PARD3: variants seen among roughly 807,000 people sequenced by gnomAD.
PARD3 encodes the protein partitioning defective 3 homolog.
In PARD3, 75 loss-of-function variants were observed where a neutral mutation model predicts 155.4. The ratio of observed to expected loss-of-function variants is 0.48; its 90% CI spans 0.40 to 0.58. The LOEUF (loss-of-function observed/expected upper bound fraction) is 0.58. Among genes scored for constraint, PARD3 ranks in the 20% least tolerant of loss-of-function variants. The pLI, the probability that PARD3 is intolerant of heterozygous loss-of-function variation, is 0.00. For synonymous variants in PARD3, 576 were observed against 610.5 expected (o/e 0.94, Z 0.83); for missense variants, 1,642 against 1,721.7 (o/e 0.95, Z 0.82).
chr10:34,648,488 AT>A, intron 2 of PARD3, among the ~76,000 whole-genome samples: 1 of 152,098 alleles, frequency 6.6e-6, no homozygotes, highest in East Asian at 1.9e-4. Flanking sequence ...ATGTAAGACA[AT>A]TTTTCCACAA....
At position 34,496,407 on chromosome 10, in the gene PARD3, T is replaced by C. The variant is rs145510640; in HGVS notation, c.403+20572A>G. On this transcript the variant is annotated intron_variant, in intron 3 of 24. Coordinates refer to ENST00000374788, the MANE Select transcript of PARD3 (RefSeq NM_001184785.2). ...ATTACAGTAATAACAGGTAGACAGA[T>C]AAAAGATCCAGGTAATAATTACCAG... is the stretch of plus-strand genomic sequence containing the variant. 8.7e-4 allele frequency among the ~76,000 whole-genome samples: 132 copies of C among 152,236 alleles called. 1 individual carries two copies. The highest frequency in any genetic ancestry group is 2.4e-4 in the Non-Finnish European group (16 of 68,006).
intron 1 of PARD3, among the ~76,000 whole-genome samples, chr10:34,797,745 T>C (rs529628509): frequency 6.6e-6 from 1 of 152,168 alleles, no homozygotes; most frequent in Admixed American, 6.5e-5. Context: ...GGCCTTTCCT[T>C]CCCCCATCTC....
chr10:34,726,498 G>T, intron 1 of PARD3, among the ~76,000 whole-genome samples: 1 of 148,882 alleles, frequency 6.7e-6, no homozygotes, highest in East Asian at 1.9e-4. Flanking sequence ...AGGCAGAATC[G>T]CTCGAGCCCA....
intron 22 of PARD3, among the ~76,000 whole-genome samples, chr10:34,159,005 G>A (rs1203093849): frequency 6.6e-6 from 1 of 152,158 alleles, no homozygotes; most frequent in African/African-American, 2.4e-5. Flanking sequence ...GCAGCATTTT[G>A]CATTCTCAAA....
chr10:34,288,362 ATTAC>A (rs1956504007), intron 20 of PARD3, among the ~76,000 whole-genome samples: 1 of 152,238 alleles, frequency 6.6e-6, no homozygotes, highest in Non-Finnish European at 1.5e-5. Context: ...ATCACAGCAT[ATTAC>A]TTTATAATTG....
At chr10:34,167,755 G>A (rs939597588) in intron 22 of PARD3, among the ~76,000 whole-genome samples, 7 of 152,270 alleles carry the variant, frequency 4.6e-5, no homozygotes, top group African/African-American at 1.7e-4. Context: ...ACTTGTTTAC[G>A]CTTGAACGTG....
At chr10:34,430,811 C>G (rs1292160059) in intron 5 of PARD3, among the ~76,000 whole-genome samples, 1 of 152,170 alleles carries the variant, frequency 6.6e-6, no homozygotes, top group Non-Finnish European at 1.5e-5. Flanking sequence ...TCACAGGGGT[C>G]AGGCTAATGA....
chr10:34,269,728 T>A lies in PARD3; in HGVS notation c.3348A>T (p.Glu1116Asp), dbSNP rs374271646. 3 of 1,613,924 alleles carry A rather than the reference T, an allele frequency of 1.9e-6. No individual in the cohort carries two copies. In the South Asian group the frequency reaches 3.3e-5, roughly 18 times the overall value. ...ALNARPQSPR[E>D]GHMMDALYAQ... is the part of the protein sequence containing the mutation. The stretch of plus-strand genomic sequence containing the variant: ...CATACAAAGCATCCATCATATGCCC[T>A]TCTCGTGGGCTCTGAGGTCTAGCGT... The change falls in exon 22 of 25, where the codon GAA becomes GAT. Residue 1116 changes from glutamate (E) to aspartate (D), a missense_variant. This residue lies in a region of PARD3 where 1,529 missense variants were observed against 1,587.3 expected (regional missense o/e 0.96). Transcript: ENST00000374788.
At chr10:34,605,180 A>ATTTTTTTTT (rs750688603) in intron 2 of PARD3, among the ~76,000 whole-genome samples, 1 of 62,428 alleles carries the variant, frequency 1.6e-5, no homozygotes, top group African/African-American at 5.5e-5. Flanking sequence ...CCAAAATGAA[A>ATTTTTTTTT]TTTTTTTTTT....
chr10:34,534,905 A>T (rs1310440641), intron 2 of PARD3, among the ~76,000 whole-genome samples: 1 of 152,032 alleles, frequency 6.6e-6, no homozygotes, highest in East Asian at 1.9e-4. Flanking sequence ...TCAGCTTCTC[A>T]GGAGGCTGAG....
At chr10:34,679,986 T>C (rs2093781255) in intron 2 of PARD3, among the ~76,000 whole-genome samples, 1 of 152,122 alleles carries the variant, frequency 6.6e-6, no homozygotes, top group Admixed American at 6.6e-5. Context: ...GTGTACAATG[T>C]TCACTATTTA....
intron 24 of PARD3, among the ~76,000 whole-genome samples, chr10:34,117,675 G>A (rs1476030594): frequency 1.3e-5 from 2 of 152,192 alleles, no homozygotes; most frequent in East Asian, 1.9e-4. Flanking sequence ...ACTTTGGGGG[G>A]CTAAGGTGGG....
At chr10:34,539,741 T>C (rs986916187) in intron 2 of PARD3, among the ~76,000 whole-genome samples, 3 of 152,236 alleles carry the variant, frequency 2.0e-5, no homozygotes, top group Non-Finnish European at 4.4e-5. Flanking sequence ...GTCTGCTGTA[T>C]CTACACAGTG....
chr10:34,790,933 G>A (rs952889183), intron 1 of PARD3, among the ~76,000 whole-genome samples: 32 of 152,028 alleles, frequency 2.1e-4, no homozygotes, highest in Non-Finnish European at 4.0e-4. Flanking sequence ...CCTCCTACAC[G>A]CATGCACAGG....
chr10:34,340,121 A>G (rs1836646951), intron 16 of PARD3, among the ~76,000 whole-genome samples: 1 of 152,180 alleles, frequency 6.6e-6, no homozygotes, highest in Non-Finnish European at 1.5e-5. Context: ...CATTCCCCAC[A>G]GCAAAATTAT....
intron 24 of PARD3, among the ~76,000 whole-genome samples, chr10:34,116,737 C>T (rs1412631028): frequency 6.6e-6 from 1 of 152,226 alleles, no homozygotes; most frequent in Non-Finnish European, 1.5e-5. Flanking sequence ...GTCTGCTTTT[C>T]TCATATCTAA....
chr10:34,598,955 A>G (rs531096439), intron 2 of PARD3, among the ~76,000 whole-genome samples: 8 of 152,036 alleles, frequency 5.3e-5, no homozygotes. Context: ...CACACACAGA[A>G]CCCTGCCCCA....
At chr10:34,590,239 C>T (rs893101453) in intron 2 of PARD3, among the ~76,000 whole-genome samples, 2 of 152,164 alleles carry the variant, frequency 1.3e-5, no homozygotes, top group African/African-American at 4.8e-5. Flanking sequence ...GGACTCACAA[C>T]GTCCCCCTGA....
rs1027828345 is a variant in PARD3, at chr10:34,611,825, T to G, written c.222+84493A>C. On this transcript the variant is annotated intron_variant, in intron 2 of 24. Coordinates refer to ENST00000374788, the MANE Select transcript of PARD3 (RefSeq NM_001184785.2). ...TTTCTTTCTTTTTTTTTTTTTTTTT[T>G]TTGAGGCGGAGTCTTGCTCTGTCGC... is the stretch of plus-strand genomic sequence containing the variant. 2.5e-4 allele frequency among the ~76,000 whole-genome samples: 35 copies of G among 140,740 alleles called. No individual in the cohort carries two copies. In the South Asian group the frequency reaches 4.5e-3, roughly 18 times the overall value. 92.3% of individuals were successfully genotyped at this position (140,740 alleles called of 152,430 possible). A position where few individuals can be genotyped will look rare whatever the true frequency, so the allele number is the denominator to read the frequency against.
Sources: gnomAD v4.1 joint callset for allele counts (sites outside exome capture counted in the v4.1 genomes callset) on GRCh38, gnomAD v4.1.1 for gene constraint, gnomAD v4.1.1 regional missense constraint, MANE v1.5 for transcripts, NCBI Gene and HGNC (gene_info 2026-07-23, HGNC 2026-07-21) for gene names.